The following TRIM37 variants were observed in gnomAD, a reference collection of about 807,000 sequenced individuals.
TRIM37 encodes E3 ubiquitin-protein ligase TRIM37.
In TRIM37, 80 loss-of-function variants were observed where a neutral mutation model predicts 129.8. The observed-to-expected ratio is 0.62, with a 90% CI of 0.51 to 0.74. TRIM37 has a LOEUF of 0.74. Among genes scored for constraint, TRIM37 ranks in the 30% least tolerant of loss-of-function variants. The probability of loss-of-function intolerance (pLI) is 0.00; values close to 1 mark genes in which losing one functional copy is unlikely to be tolerated. For synonymous variants in TRIM37, 389 were observed against 387.1 expected (o/e 1.00, Z -0.06); for missense variants, 1,054 against 1,176.5 (o/e 0.90, Z 1.52).
chr17:58,998,019 A>G (rs535260642), downstream of TRIM37, among the ~76,000 whole-genome samples: 3 of 152,338 alleles, frequency 2.0e-5, no homozygotes, highest in Admixed American at 2.0e-4. Flanking sequence ...CTCTGAAGAA[A>G]TCTTTTGGCC....
intron 7 of TRIM37, among the ~76,000 whole-genome samples, chr17:59,077,335 C>T (rs754495156): frequency 2.7e-4 from 41 of 151,788 alleles, no homozygotes; most frequent in Non-Finnish European, 5.3e-4. Context: ...AGAGATCCAC[C>T]TGCCTCAGCC....
Position 59,106,750 on chromosome 17 carries a change from C to G in TRIM37, c.-289G>C, listed in dbSNP as rs2046040699. ...CCGCCGGCCAGCAGCCGCGCCGGAA[C>G]CTCGGCCCACGTGACGCGGGCGCGC... is the stretch of plus-strand genomic sequence containing the variant. On this transcript the variant is annotated 5_prime_UTR_variant, in exon 1 of 24. Transcript: ENST00000262294. The G allele has an allele frequency of 1.1e-5, 6 of 568,560 alleles. No individual in the cohort carries two copies. Among genetic ancestry groups the G allele is most frequent in the Non-Finnish European group, 1.9e-5 (6 of 319,292 alleles). The allele number at this position is 568,560 out of a possible 1,614,324, so 35.2% of individuals were successfully genotyped here.
chr17:59,102,706 C>T (rs932330081), intron 2 of TRIM37, among the ~76,000 whole-genome samples: 1 of 152,140 alleles, frequency 6.6e-6, no homozygotes, highest in Admixed American at 6.5e-5. Context: ...GGGTCTTCTG[C>T]GCATGGTACA....
intron 22 of TRIM37, among the ~76,000 whole-genome samples, chr17:59,004,909 C>T (rs1889737329): frequency 6.6e-6 from 1 of 152,074 alleles, no homozygotes. Flanking sequence ...AAATCGTCTC[C>T]ATCTTCAGCA....
At position 59,019,537 on chromosome 17, in the gene TRIM37, G is replaced by A. The variant is rs57563690; in HGVS notation, c.2258-2113C>T. 6.1e-3 allele frequency among the ~76,000 whole-genome samples: 920 copies of A among 151,954 alleles called. 13 individuals are homozygous for A. Among genetic ancestry groups the A allele is most frequent in the African/African-American group, 0.021 (888 of 41,436 alleles). On this transcript the variant is annotated intron_variant, in intron 19 of 23. Coordinates refer to ENST00000262294, the MANE Select transcript of TRIM37 (RefSeq NM_015294.6). ...AACCTGGCCAACATGGTGAAACCTC[G>A]TCTCTACTAAAAATACAAAAGTTAG...
intron 1 of TRIM37, 28 bp from the exon 2 acceptor site, chr17:59,104,422 A>G (rs934823337): frequency 1.5e-5 from 24 of 1,596,550 alleles, no homozygotes; most frequent in African/African-American, 2.7e-5. Flanking sequence ...TGTAAGGTCC[A>G]CCAGTTTAGG....
chr17:58,995,500 C>A (rs1486217137), downstream of TRIM37, among the ~76,000 whole-genome samples: 1 of 150,996 alleles, frequency 6.6e-6, no homozygotes, highest in Admixed American at 6.6e-5. Context: ...AGCCAAGCTA[C>A]AAAATATTAA....
intron 15 of TRIM37, among the ~76,000 whole-genome samples, chr17:59,048,162 C>T (rs1442878756): frequency 3.3e-5 from 5 of 152,152 alleles, no homozygotes; most frequent in Admixed American, 2.6e-4. Context: ...AACACTGTCA[C>T]CTATCTGCAC....
Position 59,001,674 on chromosome 17 carries a change from A to G in TRIM37, c.2736T>C (p.Asn912=). The change falls in exon 23 of 24, where the codon AAT becomes AAC. Residue 912 remains asparagine, a synonymous_variant. Transcript: ENST00000262294. ...SDSDIECDTE[N]EEQEEHTSVG... ...CACTGGTATGCTCTTCCTGCTCCTC[A>G]TTCTCAGTGTCACATTCAATGTCAC... is the stretch of plus-strand genomic sequence containing the variant. 2 of 1,614,074 alleles carry G rather than the reference A, an allele frequency of 1.2e-6. No homozygotes were observed. Among genetic ancestry groups the G allele is most frequent in the Non-Finnish European group, 1.7e-6 (2 of 1,179,972 alleles).
At chr17:59,075,813 C>T in intron 7 of TRIM37, 99 bp from the exon 8 acceptor site, 1 of 925,488 alleles carries the variant, frequency 1.1e-6, no homozygotes, top group South Asian at 1.4e-5. Context: ...AAATACACTT[C>T]AAGTAAGCAA....
intron 4 of TRIM37, chr17:59,087,958 A>C (rs148652722): frequency 4.6e-5 from 22 of 473,468 alleles, no homozygotes; most frequent in South Asian, 8.4e-5. Context: ...TAAATGACTT[A>C]ACACTGTATT....
rs1278960658 is a variant in TRIM37 at position 59,047,738 on chromosome 17, C to A, written c.1612G>T (p.Ala538Ser). 1 of 1,613,964 alleles carries A rather than the reference C, an allele frequency of 6.2e-7. No individual in the cohort carries two copies. Among genetic ancestry groups the A allele is most frequent in the Non-Finnish European group, 8.5e-7 (1 of 1,180,018 alleles). ...VNQLDGSSSS[A>S]SSTATSNTEE... ...GTATTACTTGTTGCTGTGGAACTAG[C>A]AGAGGAACTGCTGCCATCGAGCTGA... is the stretch of plus-strand genomic sequence containing the variant. The change falls in exon 16 of 24, where the codon GCT becomes TCT. Residue 538 changes from alanine to serine, a missense_variant. Around this residue, in one of 3 missense-constraint regions of TRIM37, gnomAD observed 752 missense variants for 870.8 expected, o/e 0.86. Coordinates refer to ENST00000262294, the MANE Select transcript of TRIM37 (RefSeq NM_015294.6).
Position 59,001,627 on chromosome 17 carries a change from A to T in TRIM37, c.2783T>A (p.Phe928Tyr). The T allele has an allele frequency of 6.2e-7, 1 of 1,614,032 alleles. No individual in the cohort carries two copies. The highest frequency in any genetic ancestry group is 1.1e-5 in the South Asian group (1 of 91,074). ...ATCCGGGGGCTGTGTCATGACCATG[A>T]AGGAGTCGTGAAACCCGCCCACACT... is the stretch of plus-strand genomic sequence containing the variant. The part of the protein sequence containing the change: ...HTSVGGFHDS[F>Y]MVMTQPPDED... Residue 928 changes from phenylalanine to tyrosine, a missense_variant, in exon 23 of 24, where the codon TTC becomes TAC. By Grantham distance (22) the Phe-to-Tyr change is conservative. Around this residue, in one of 3 missense-constraint regions of TRIM37, gnomAD observed 287 missense variants for 274.3 expected, o/e 1.05. Transcript: ENST00000262294.
rs985171149 is a variant in TRIM37, at chr17:59,015,734, T to C, written c.2452A>G (p.Ile818Val). 9 of 1,614,160 alleles carry C rather than the reference T, an allele frequency of 5.6e-6. No individual in the cohort carries two copies. Among genetic ancestry groups the C allele is most frequent in the South Asian group, 4.4e-5 (4 of 91,074 alleles). Residue 818 changes from isoleucine to valine, a missense_variant, in exon 21 of 24, where the codon ATC becomes GTC. This residue lies in a region of TRIM37 where 287 missense variants were observed against 274.3 expected (regional missense o/e 1.05). Transcript: ENST00000262294. ...SSPRALIHGS[I>V]GDILPKTEDR... ...TCAGTTTTTGGCAGAATATCACCGA[T>C]ACTGCCATGTATCAAGGCTCGGGGA...
At chr17:59,015,840 A>C in intron 20 of TRIM37, 41 bp from the exon 21 acceptor site, 1 of 1,593,348 alleles carries the variant, frequency 6.3e-7, no homozygotes, top group South Asian at 1.1e-5. Flanking sequence ...TTAGCTGGGC[A>C]TGGTGGTGTG....
At chr17:58,980,585 A>G (rs752594592), downstream of TRIM37, 2 of 1,614,206 alleles carry the variant, frequency 1.2e-6, no homozygotes, top group African/African-American at 2.7e-5. The surrounding 1 kb of genome is among the most constrained non-coding windows in gnomAD (Gnocchi z 4.7). Flanking sequence ...TGAGTTAATG[A>G]TGGAGAAAAA....
intron 17 of TRIM37, among the ~76,000 whole-genome samples, chr17:59,035,195 G>A (rs2038326091): frequency 6.6e-6 from 1 of 151,906 alleles, no homozygotes; most frequent in African/African-American, 2.4e-5. Flanking sequence ...GAGTAGCTGG[G>A]GTTACAAGCG....
intron 22 of TRIM37, among the ~76,000 whole-genome samples, chr17:59,004,993 G>A (rs922767701): frequency 2.6e-5 from 4 of 152,270 alleles, no homozygotes; most frequent in African/African-American, 9.6e-5. Flanking sequence ...ATGAAGTAGG[G>A]GAAAAAGAAA....
Position 59,028,558 on chromosome 17 carries a change from G to A in TRIM37, c.2114C>T (p.Ala705Val). ...AAGGCTTGTCTGCATGTCTCCAGAA[G>A]CAGCACTGCTGCTTTTTATTTCTGA... ...TLSEIKSSSAASGDMQTSLFS... is the reference protein window; with the variant it reads ...TLSEIKSSSAVSGDMQTSLFS... The change falls in exon 19 of 24, where the codon GCT becomes GTT. Residue 705 changes from alanine to valine, a missense_variant. Physicochemically the swap from Ala to Val is moderately conservative, Grantham distance 64. This residue lies in a region of TRIM37 where 752 missense variants were observed against 870.8 expected (regional missense o/e 0.86). Coordinates refer to ENST00000262294, the MANE Select transcript of TRIM37 (RefSeq NM_015294.6). 6.2e-7 allele frequency: 1 copy of A among 1,614,240 alleles called. No homozygotes were observed.
Sources: allele counts gnomAD v4.1 joint callset (sites outside exome capture counted in the v4.1 genomes callset), GRCh38; gene constraint gnomAD v4.1.1; regional missense constraint gnomAD v4.1.1; non-coding constraint Gnocchi (gnomAD v3.1); transcripts MANE v1.5; gene names NCBI Gene and HGNC (gene_info 2026-07-23, HGNC 2026-07-21).